The following WDR6 variants were observed in gnomAD, a reference collection of about 807,000 sequenced individuals.
WDR6 encodes tRNA (34-2'-O)-methyltransferase regulator WDR6.
Under a neutral mutation model 85.6 loss-of-function variants are expected in WDR6, and 58 were observed. The observed-to-expected ratio is 0.68, with a 90% CI of 0.55 to 0.84. The LOEUF (loss-of-function observed/expected upper bound fraction) is 0.84. Among genes scored for constraint, WDR6 ranks in the 40% least tolerant of loss-of-function variants. The pLI, the probability that WDR6 is intolerant of heterozygous loss-of-function variation, is 0.00. For synonymous variants in WDR6, 569 were observed against 582.2 expected, an observed-to-expected ratio of 0.98 and a Z score of 0.33; for missense variants, 1,310 against 1,476.4, an observed-to-expected ratio of 0.89 and a Z score of 1.85.
chr3:49,015,316 G>A lies in WDR6; in HGVS notation c.*28G>A. The A allele has an allele frequency of 2.5e-6, 4 of 1,598,232 alleles. No individual in the cohort carries two copies. The South Asian group carries it at 4.4e-5, about 18-fold the overall frequency. On this transcript the variant is annotated 3_prime_UTR_variant, in exon 6 of 6. Coordinates refer to ENST00000608424, the MANE Select transcript of WDR6 (RefSeq NM_018031.6). ...TATCCTGCGGTGGCTGGCGTGCTGG[G>A]CATGGGGCCTGCTCACAGACAGCAT...
At position 49,013,645 on chromosome 3, in the gene WDR6, T is replaced by C. The variant is rs1313417478; in HGVS notation, c.2111T>C (p.Ile704Thr). The C allele has an allele frequency of 2.5e-6, 4 of 1,613,936 alleles. No homozygotes were observed. The highest frequency in any genetic ancestry group is 3.4e-6 in the Non-Finnish European group (4 of 1,180,006). ...ILREGLHGRE[I>T]TCVKRVGTIT... ...CGGGAGGGTCTGCATGGCCGTGAGA[T>C]CACTTGTGTAAAGCGTGTGGGCACC... is the stretch of plus-strand genomic sequence containing the variant. Residue 704 changes from isoleucine to threonine, a missense_variant, in exon 2 of 6, where the codon ATC becomes ACC. Coordinates refer to ENST00000608424, the MANE Select transcript of WDR6 (RefSeq NM_018031.6). This position sits in a 1 kb window ranked among gnomAD's most constrained non-coding sequence, Gnocchi z 4.6.
Position 49,015,931 on chromosome 3 carries a change from T to TAA in WDR6, c.*645_*646dup, listed in dbSNP as rs1553731194. Reference sequence around the variant, plus strand: ...TTTGCTCTTGTGCCCCAGGCCAGAATAAAGAATAGAGTGTAGAGTGTCCTG... The same window carrying TAA: ...TTTGCTCTTGTGCCCCAGGCCAGAATAAAAAGAATAGAGTGTAGAGTGTCCTG... On this transcript the variant is annotated 3_prime_UTR_variant, in exon 6 of 6. Transcript: ENST00000608424. 1 of 1,614,118 alleles carries TAA rather than the reference T, an allele frequency of 6.2e-7. No individual in the cohort carries two copies. Among genetic ancestry groups the TAA allele is most frequent in the East Asian group, 2.2e-5 (1 of 44,874 alleles).
Position 49,014,496 on chromosome 3 carries a change from G to A in WDR6, c.2780G>A (p.Arg927Lys). The A allele has an allele frequency of 6.2e-7, 1 of 1,614,138 alleles. No homozygotes were observed. The highest frequency in any genetic ancestry group is 2.2e-5 in the East Asian group (1 of 44,880). Residue 927 changes from arginine (R) to lysine (K), a missense_variant, in exon 4 of 6, where the codon AGG becomes AAG. Transcript: ENST00000608424. The surrounding 1 kb of genome is among the most constrained non-coding windows in gnomAD (Gnocchi z 4.9). Reference sequence around the variant, plus strand: ...TTTACACACGAGGCACCCAACCAGAGGCGGTGAGAGGGGCTGGATGATGGT... The same window carrying A: ...TTTACACACGAGGCACCCAACCAGAAGCGGTGAGAGGGGCTGGATGATGGT... ...HSFTHEAPNQRRRLLLCSAAT... is the reference protein window; with the variant it reads ...HSFTHEAPNQKRRLLLCSAAT...
Position 49,011,615 on chromosome 3 carries a change from G to A in WDR6, c.101-20G>A. On this transcript the variant is annotated intron_variant, in intron 1 of 5. Coordinates refer to ENST00000608424, the MANE Select transcript of WDR6 (RefSeq NM_018031.6). ...AGAGTTAGGTACCTAGCTCTGACAT[G>A]GCTCTTTGCCTCTATCTAGGTGAGG... is the stretch of plus-strand genomic sequence containing the variant. 6.2e-7 allele frequency: 1 copy of A among 1,612,166 alleles called. No individual in the cohort carries two copies. Among genetic ancestry groups the A allele is most frequent in the Non-Finnish European group, 8.5e-7 (1 of 1,178,500 alleles).
rs761496288 is a variant in WDR6 at position 49,014,387 on chromosome 3, T to C, written c.2671T>C (p.Phe891Leu). 1 of 1,613,978 alleles carries C rather than the reference T, an allele frequency of 6.2e-7. No homozygotes were observed. The highest frequency in any genetic ancestry group is 8.5e-7 in the Non-Finnish European group (1 of 1,180,000). The stretch of plus-strand genomic sequence containing the variant: ...GGGCCACCCCCCGCCCCCCAGGCTC[T>C]TTCTTTTGCAGGATTCTGGGCGGAT... ...AACSDGAVRL[F>L]LLQDSGRILQ... Residue 891 changes from phenylalanine to leucine, a missense_variant, in exon 4 of 6, where the codon TTT (phenylalanine) becomes CTT (leucine). By Grantham distance (22) the Phe-to-Leu change is conservative (BLOSUM62 0). Transcript: ENST00000608424. This position sits in a 1 kb window ranked among gnomAD's most constrained non-coding sequence, Gnocchi z 4.9.
chr3:49,010,830 A>G (rs1352940588), intron 1 of WDR6, among the ~76,000 whole-genome samples: 1 of 150,128 alleles, frequency 6.7e-6, no homozygotes, highest in Non-Finnish European at 1.5e-5. Flanking sequence ...AGCCTGGGCT[A>G]CAGAGCAAGA....
At chr3:49,010,279 G>A (rs2106688396) in intron 1 of WDR6, among the ~76,000 whole-genome samples, 1 of 151,602 alleles carries the variant, frequency 6.6e-6, no homozygotes, top group African/African-American at 2.4e-5. Context: ...GGTGGCGGAT[G>A]CCTGTAGTCC....
rs751901001 is a variant in WDR6 at position 49,013,790 on chromosome 3, C to A, written c.2256C>A (p.Val752=). 110 of 1,614,014 alleles carry A rather than the reference C, an allele frequency of 6.8e-5. No homozygotes were observed. The highest frequency in any genetic ancestry group is 2.8e-4 in the Admixed American group (17 of 60,000). Residue 752 remains valine (V), a synonymous_variant, in exon 2 of 6, where the codon GTC becomes GTA. Transcript: ENST00000608424. The surrounding 1 kb of genome is among the most constrained non-coding windows in gnomAD (Gnocchi z 4.6). ...TCACATGTAGTGAGGACACTACTGT[C>A]TGTGTCCTAGCACTCCCTACAACCA... is the stretch of plus-strand genomic sequence containing the variant. ...IVITCSEDTT[V]CVLALPTTTG...
At position 49,013,201 on chromosome 3, in the gene WDR6, G is replaced by A; in HGVS notation, c.1667G>A (p.Gly556Glu). ...GSSGGGNAFT[G>E]LGPVSTLPSL... is the part of the protein sequence containing the mutation. The stretch of plus-strand genomic sequence containing the variant: ...AGTGGGGGTGGGAATGCTTTCACTG[G>A]GTTGGGCCCAGTGTCTACCCTGCCC... The change falls in exon 2 of 6, where the codon GGG (glycine) becomes GAG (glutamate). Residue 556 changes from glycine to glutamate, a missense_variant. Gly to Glu is a moderately conservative substitution (Grantham distance 98, BLOSUM62 -2). Transcript: ENST00000608424. This position sits in a 1 kb window ranked among gnomAD's most constrained non-coding sequence, Gnocchi z 4.6. 1.2e-6 allele frequency: 2 copies of A among 1,613,622 alleles called. No homozygotes were observed. The highest frequency in any genetic ancestry group is 1.6e-4 in the Middle Eastern group (1 of 6,062).
rs762100811 is a variant in WDR6 at position 49,015,944 on chromosome 3, G to T, written c.*656G>T. 6.8e-6 allele frequency: 11 copies of T among 1,614,066 alleles called. No individual in the cohort carries two copies. Among genetic ancestry groups the T allele is most frequent in the Non-Finnish European group, 9.3e-6 (11 of 1,180,034 alleles). Reference sequence around the variant, plus strand: ...CCCAGGCCAGAATAAAGAATAGAGTGTAGAGTGTCCTGGTTGTCTATGCCT... The same window carrying T: ...CCCAGGCCAGAATAAAGAATAGAGTTTAGAGTGTCCTGGTTGTCTATGCCT... On this transcript the variant is annotated 3_prime_UTR_variant, in exon 6 of 6. Transcript: ENST00000608424.
At chr3:49,011,420 G>T in intron 1 of WDR6, 4 of 1,417,356 alleles carry the variant, frequency 2.8e-6, no homozygotes, top group Admixed American at 2.2e-5. Context: ...TTTTGAGACA[G>T]AGTCTGGCTT....
rs781236153 is a variant in WDR6 at position 49,014,606 on chromosome 3, C to T, written c.2790C>T (p.Leu930=). The stretch of plus-strand genomic sequence containing the variant: ...GTCTTTTCCTGGCTCTCAGGAGGCT[C>T]CTCCTGTGCAGCGCAGCTACTGATG... The part of the protein sequence containing the change: ...THEAPNQRRR[L]LLCSAATDGS... Residue 930 remains leucine (L), a synonymous_variant, in exon 5 of 6, where the codon CTC becomes CTT. Transcript: ENST00000608424. This position sits in a 1 kb window ranked among gnomAD's most constrained non-coding sequence, Gnocchi z 4.9. 42 of 1,613,540 alleles carry T rather than the reference C, an allele frequency of 2.6e-5. No homozygotes were observed. The South Asian group carries it at 3.7e-4, about 14-fold the overall frequency.
Position 49,014,499 on chromosome 3 carries a change from G to A in WDR6, c.2783G>A (p.Arg928Gln), listed in dbSNP as rs769484739. The A allele has an allele frequency of 8.7e-6, 14 of 1,613,996 alleles. No homozygotes were observed. Among genetic ancestry groups the A allele is most frequent in the South Asian group, 3.3e-5 (3 of 91,082 alleles). Residue 928 changes from arginine to glutamine, a missense_variant and splice_region_variant, in exon 4 of 6, where the codon CGG becomes CAG. Physicochemically the swap from Arg to Gln is conservative, Grantham distance 43. Coordinates refer to ENST00000608424, the MANE Select transcript of WDR6 (RefSeq NM_018031.6). This position sits in a 1 kb window ranked among gnomAD's most constrained non-coding sequence, Gnocchi z 4.9. ...SFTHEAPNQRRRLLLCSAATD... is the reference protein window; with the variant it reads ...SFTHEAPNQRQRLLLCSAATD... The stretch of plus-strand genomic sequence containing the variant: ...ACACACGAGGCACCCAACCAGAGGC[G>A]GTGAGAGGGGCTGGATGATGGTCCT...
chr3:49,011,127 C>T (rs2093012087), intron 1 of WDR6: 1 of 439,694 alleles, frequency 2.3e-6, no homozygotes, highest in Admixed American at 2.6e-5. Context: ...GTCTTTCGCC[C>T]AGGCTGGAGT....
Position 49,013,418 on chromosome 3 carries a change from T to C in WDR6, c.1884T>C (p.Val628=). The C allele has an allele frequency of 1.2e-6, 2 of 1,614,226 alleles. No homozygotes were observed. Among genetic ancestry groups the C allele is most frequent in the Non-Finnish European group, 1.7e-6 (2 of 1,180,030 alleles). ...GTATAGTGCCCGATGGGAGCATGGT[T>C]ATCCTGGGTTTCCATGCCAATGAGT... is the stretch of plus-strand genomic sequence containing the variant. ...GLRIVPDGSM[V]ILGFHANEFV... is the part of the protein sequence containing the mutation. Residue 628 remains valine (V), a synonymous_variant, in exon 2 of 6, where the codon GTT becomes GTC. Transcript: ENST00000608424. The surrounding 1 kb of genome is among the most constrained non-coding windows in gnomAD (Gnocchi z 4.6).
intron 1 of WDR6, chr3:49,011,270 G>T (rs2093013010): frequency 2.4e-6 from 1 of 415,306 alleles, no homozygotes; most frequent in Non-Finnish European, 4.4e-6. Flanking sequence ...TAGAGATGGG[G>T]TTTTCACCTT....
Position 49,014,965 on chromosome 3 carries a change from G to T in WDR6, c.3043G>T (p.Glu1015Ter). ...GSLHVFVLAV[E>*]MLQLEEAVGE... ...CCTCCATGTCTTCGTGCTTGCTGTG[G>T]AGATGCTACAGCTAGAAGAGGCTGT... Residue 1015 changes from glutamate to a stop codon, truncating the protein, a stop_gained, in exon 6 of 6, where the codon GAG becomes TAG. Transcript: ENST00000608424. LOFTEE classifies it high-confidence loss of function. The surrounding 1 kb of genome is among the most constrained non-coding windows in gnomAD (Gnocchi z 4.9). The T allele has an allele frequency of 2.5e-6, 4 of 1,614,170 alleles. No individual in the cohort carries two copies.
In WDR6 at chr3:49,012,107, T is replaced by C. The variant is rs1327929128; in HGVS notation, c.573T>C (p.Thr191=). The C allele has an allele frequency of 6.2e-7, 1 of 1,614,028 alleles. No homozygotes were observed. Among genetic ancestry groups the C allele is most frequent in the Non-Finnish European group, 8.5e-7 (1 of 1,180,028 alleles). The change falls in exon 2 of 6, where the codon ACT becomes ACC. Residue 191 remains threonine (T), a synonymous_variant. Coordinates refer to ENST00000608424, the MANE Select transcript of WDR6 (RefSeq NM_018031.6). This position sits in a 1 kb window ranked among gnomAD's most constrained non-coding sequence, Gnocchi z 4.4. The stretch of plus-strand genomic sequence containing the variant: ...AGCTCTTGGTCTGGTACCCAGCAAC[T>C]GCCTTAGCAGACAACAAACCTGTAG... ...SNQLLVWYPA[T]ALADNKPVAP...
intron 1 of WDR6, among the ~76,000 whole-genome samples, chr3:49,010,454 G>A (rs532547303): frequency 6.6e-6 from 1 of 151,864 alleles, no homozygotes; most frequent in Non-Finnish European, 1.5e-5. Flanking sequence ...AATGGCTCAC[G>A]CCTGTAATCC....
Sources: gnomAD v4.1 joint callset for allele counts (sites outside exome capture counted in the v4.1 genomes callset) on GRCh38, gnomAD v4.1.1 for gene constraint, Gnocchi (gnomAD v3.1) non-coding constraint, MANE v1.5 for transcripts, NCBI Gene and HGNC (gene_info 2026-07-23, HGNC 2026-07-21) for gene names.